Variants in TAF4 observed in about 807,000 individuals in gnomAD.
The protein encoded by TAF4 is TATA-box binding protein associated factor 4.
In TAF4, 9 loss-of-function variants were observed where a neutral mutation model predicts 90.3. That is an observed-to-expected ratio of 0.10 (90% CI 0.06 to 0.17). TAF4 has a LOEUF of 0.17. Ranked by LOEUF, TAF4 falls within the 10% of genes least tolerant of loss-of-function variation. The pLI is 1.00. For missense variants in TAF4, 1,351 were observed against 1,370.7 expected (o/e 0.99, Z 0.23); for synonymous variants, 818 against 638.9 (o/e 1.28, Z -4.23).
intron 1 of TAF4, among the ~76,000 whole-genome samples, chr20:62,035,620 AAG>A (rs2055927941): frequency 1.3e-5 from 2 of 152,258 alleles, no homozygotes; most frequent in Non-Finnish European, 2.9e-5. Flanking sequence ...GAAAATACAG[AAG>A]ACTATTCCTA....
intron 1 of TAF4, among the ~76,000 whole-genome samples, chr20:62,053,161 G>A (rs1348326249): frequency 6.6e-6 from 1 of 152,178 alleles, no homozygotes; most frequent in African/African-American, 2.4e-5. Flanking sequence ...CCCGAAAGTG[G>A]AAGAGGGTGG....
intron 14 of TAF4, among the ~76,000 whole-genome samples, chr20:61,990,082 A>G (rs1380260502): frequency 6.6e-6 from 1 of 152,212 alleles, no homozygotes; most frequent in Non-Finnish European, 1.5e-5. Context: ...TGGGGGTGGT[A>G]GCATCAGTGC....
intron 1 of TAF4, among the ~76,000 whole-genome samples, chr20:62,032,068 G>GT (rs1483149335): frequency 6.6e-6 from 1 of 152,258 alleles, no homozygotes; most frequent in Non-Finnish European, 1.5e-5. Flanking sequence ...GAAGCCAGCA[G>GT]TATCTCAGCA....
intron 1 of TAF4, among the ~76,000 whole-genome samples, 186 bp from the exon 2 acceptor site, chr20:62,014,893 G>T (rs776195447): frequency 2.6e-5 from 4 of 152,172 alleles, no homozygotes; most frequent in Admixed American, 6.5e-5. Context: ...CAAAAAAACT[G>T]TAAAGGTTGT....
chr20:62,000,814 G>A (rs926545596), intron 9 of TAF4, 93 bp from the exon 10 acceptor site: 3 of 1,428,334 alleles, frequency 2.1e-6, no homozygotes, highest in African/African-American at 1.4e-5. Flanking sequence ...CACGTGGAAG[G>A]CAGGGCCGTG....
At chr20:62,023,085 T>C (rs2055852907) in intron 1 of TAF4, among the ~76,000 whole-genome samples, 1 of 152,218 alleles carries the variant, frequency 6.6e-6, no homozygotes, top group Non-Finnish European at 1.5e-5. Flanking sequence ...GTGTAGAAAC[T>C]GACAAGGTGA....
Position 62,010,263 on chromosome 20 carries a change from T to C in TAF4, c.1642-98A>G. 2 of 1,570,028 alleles carry C rather than the reference T, an allele frequency of 1.3e-6. No individual in the cohort carries two copies. Among genetic ancestry groups the C allele is most frequent in the Non-Finnish European group, 1.7e-6 (2 of 1,156,078 alleles). On this transcript the variant is annotated intron_variant, in intron 3 of 14. Coordinates refer to ENST00000252996, the MANE Select transcript of TAF4 (RefSeq NM_003185.4). The surrounding 1 kb of genome is among the most constrained non-coding windows in gnomAD (Gnocchi z 4.5). ...CCCAGCAAAAGAAAACAAGCCTCCC[T>C]GCGGTGGCCAGGACGCCCAGGAAGC... is the stretch of plus-strand genomic sequence containing the variant.
At chr20:62,003,325 C>G (rs185296472) in intron 8 of TAF4, 51 bp from the exon 9 acceptor site, 78 of 1,464,088 alleles carry the variant, frequency 5.3e-5, no homozygotes, top group Admixed American at 1.3e-4. Flanking sequence ...ATTAGATCAA[C>G]TATGTGCTTT....
In TAF4 at chr20:62,064,004, A is replaced by G. The variant is rs1416468742; in HGVS notation, c.1360+447T>C. ...AGTGGGGACACAGGCCACACGCCTA[A>G]CTGCAGAACTGAGCAGGGGACAGCT... On this transcript the variant is annotated intron_variant, in intron 1 of 14. Transcript: ENST00000252996. Among the ~76,000 whole-genome samples the G allele has an allele frequency of 2.0e-5, 3 of 152,338 alleles. No individual in the cohort carries two copies. The East Asian group carries it at 5.8e-4, about 29-fold the overall frequency.
At position 62,064,624 on chromosome 20, in the gene TAF4, G is replaced by A. The variant is rs1330118535; in HGVS notation, c.1187C>T (p.Thr396Ile). 7.3e-6 allele frequency: 10 copies of A among 1,368,866 alleles called. No individual in the cohort carries two copies. In the East Asian group the frequency reaches 9.3e-5, roughly 13 times the overall value. 84.8% of individuals were successfully genotyped at this position (1,368,866 alleles called of 1,614,324 possible). Reference protein sequence around the residue: ...PAAVPPPAPGTPTGLPKGAAG... With the variant: ...PAAVPPPAPGIPTGLPKGAAG... ...CGCGCCTTTGGGCAGCCCGGTGGGG[G>A]TCCCGGGGGCGGGCGGCGGGACGGC... Residue 396 changes from threonine to isoleucine, a missense_variant, in exon 1 of 15, where the codon ACC becomes ATC. Coordinates refer to ENST00000252996, the MANE Select transcript of TAF4 (RefSeq NM_003185.4).
At chr20:62,011,781 G>A (rs568588706) in intron 3 of TAF4, among the ~76,000 whole-genome samples, 3 of 152,320 alleles carry the variant, frequency 2.0e-5, no homozygotes, top group East Asian at 3.9e-4. Context: ...TCTGCAGAGC[G>A]TCCAGGCCCA....
At chr20:62,032,403 G>GT (rs979572130) in intron 1 of TAF4, among the ~76,000 whole-genome samples, 8 of 152,242 alleles carry the variant, frequency 5.3e-5, no homozygotes, top group African/African-American at 1.4e-4. Flanking sequence ...TGTTCACTGT[G>GT]TTTTAAGGCA....
At chr20:62,037,891 A>T (rs2055941832) in intron 1 of TAF4, 2 of 218,396 alleles carry the variant, frequency 9.2e-6, no homozygotes, top group Non-Finnish European at 1.9e-5. Context: ...AGTGATCAAG[A>T]AGACCTGAAC....
chr20:62,049,038 C>T lies in TAF4; in HGVS notation c.1360+15413G>A, dbSNP rs148115463. ...TCGGTCACTGGGCTCCATCCCCCCT[C>T]CCCCAGTCCTCTCCCCGCATGACCA... On this transcript the variant is annotated intron_variant, in intron 1 of 14. Transcript: ENST00000252996. 1.9e-4 allele frequency among the ~76,000 whole-genome samples: 28 copies of T among 148,778 alleles called. 1 individual carries two copies. Among genetic ancestry groups the T allele is most frequent in the African/African-American group, 6.9e-4 (28 of 40,326 alleles).
chr20:62,038,466 T>C (rs573939539), intron 1 of TAF4, among the ~76,000 whole-genome samples: 21 of 152,072 alleles, frequency 1.4e-4, no homozygotes, highest in Admixed American at 2.6e-4. Flanking sequence ...ACCGAGCCAC[T>C]GACCCACCGC....
chr20:62,008,763 C>G, intron 5 of TAF4: 1 of 274,260 alleles, frequency 3.6e-6, no homozygotes, highest in Non-Finnish European at 6.8e-6. Context: ...ATGGTTGGGG[C>G]AGCCAGAGGA....
chr20:61,987,357 A>G (rs949568355), intron 14 of TAF4, among the ~76,000 whole-genome samples: 4 of 152,224 alleles, frequency 2.6e-5, no homozygotes, highest in Admixed American at 2.6e-4. Context: ...GGGGCAGGAA[A>G]GGACGTCGAG....
In TAF4 at chr20:61,999,018, C is replaced by T; in HGVS notation, c.2878G>A (p.Glu960Lys). ...LDQIEKQRKD[E>K]QEREILMRAA... ...CTCATCAGGATCTCCCGCTCCTGCT[C>T]ATCCTTCCTCTGCTTTTCGATTTGA... is the stretch of plus-strand genomic sequence containing the variant. The change falls in exon 12 of 15, where the codon GAG becomes AAG. Residue 960 changes from glutamate to lysine, a missense_variant. By Grantham distance (56) the Glu-to-Lys change is moderately conservative. Coordinates refer to ENST00000252996, the MANE Select transcript of TAF4 (RefSeq NM_003185.4). 6.2e-7 allele frequency: 1 copy of T among 1,614,092 alleles called. No homozygotes were observed. The highest frequency in any genetic ancestry group is 8.5e-7 in the Non-Finnish European group (1 of 1,180,042).
At chr20:61,991,864 C>T (rs181709764) in intron 14 of TAF4, among the ~76,000 whole-genome samples, 194 of 152,156 alleles carry the variant, frequency 1.3e-3, no homozygotes, top group Middle Eastern at 3.4e-3. Context: ...AGCCGGCTTC[C>T]GAGAAAAAGG....
Sources: allele counts gnomAD v4.1 joint callset (sites outside exome capture counted in the v4.1 genomes callset), GRCh38; gene constraint gnomAD v4.1.1; non-coding constraint Gnocchi (gnomAD v3.1); transcripts MANE v1.5; gene names NCBI Gene and HGNC (gene_info 2026-07-23, HGNC 2026-07-21).